RSRC1: variants seen among roughly 807,000 people sequenced by gnomAD.
RSRC1 encodes arginine and serine rich coiled-coil 1.
Under a neutral mutation model 49.1 loss-of-function variants are expected in RSRC1, and 39 were observed. The ratio of observed to expected loss-of-function variants is 0.79; its 90% CI spans 0.61 to 1.04. RSRC1 has a LOEUF of 1.04. Ranked by LOEUF, RSRC1 falls within the 50% of genes least tolerant of loss-of-function variation. The pLI, the probability that RSRC1 is intolerant of heterozygous loss-of-function variation, is 0.00. For synonymous variants in RSRC1, 143 were observed against 130.8 expected, an observed-to-expected ratio of 1.09 and a Z score of -0.63; for missense variants, 388 against 402.4, an observed-to-expected ratio of 0.96 and a Z score of 0.31.
intron 6 of RSRC1, among the ~76,000 whole-genome samples, chr3:158,431,302 T>A (rs150346926): frequency 7.8e-4 from 118 of 151,916 alleles, no homozygotes; most frequent in African/African-American, 2.8e-3. Flanking sequence ...ACCTCTGTAA[T>A]CTCCATCTTA....
intron 4 of RSRC1, among the ~76,000 whole-genome samples, chr3:158,230,048 C>T (rs1301773990): frequency 6.6e-6 from 1 of 151,984 alleles, no homozygotes; most frequent in Non-Finnish European, 1.5e-5. Context: ...TCATATACTG[C>T]AGTTAGTTGT....
rs148857455 is a variant in RSRC1 at position 158,122,321 on chromosome 3, A to G, written c.194+23A>G. On this transcript the variant is annotated intron_variant, in intron 2 of 9. Coordinates refer to ENST00000611884, the MANE Select transcript of RSRC1 (RefSeq NM_001271838.2). ...AAGGTGATTTTTGTAATTTTTATTT[A>G]TATAGTAATGAGGATAACATTCTTT... is the stretch of plus-strand genomic sequence containing the variant. 10,483 of 1,448,146 alleles carry G rather than the reference A, an allele frequency of 7.2e-3. 71 individuals are homozygous for G. Among genetic ancestry groups the G allele is most frequent in the Middle Eastern group, 0.027 (137 of 5,112 alleles). The allele number at this position is 1,448,146 out of a possible 1,614,324, so 89.7% of individuals were successfully genotyped here. A position where few individuals can be genotyped will look rare whatever the true frequency, so the allele number is the denominator to read the frequency against.
At chr3:158,243,148 C>G (rs1723690216) in intron 4 of RSRC1, among the ~76,000 whole-genome samples, 1 of 152,068 alleles carries the variant, frequency 6.6e-6, no homozygotes, top group Non-Finnish European at 1.5e-5. Context: ...AATGGTATCA[C>G]CTAGGTTTTC....
chr3:158,130,132 C>G (rs1715919957), intron 3 of RSRC1, among the ~76,000 whole-genome samples: 3 of 152,092 alleles, frequency 2.0e-5, no homozygotes, highest in Non-Finnish European at 4.4e-5. Flanking sequence ...AGATGGCTGT[C>G]TTCTTCTTGT....
chr3:158,419,341 A>G (rs1734915445), intron 6 of RSRC1, among the ~76,000 whole-genome samples: 1 of 151,862 alleles, frequency 6.6e-6, no homozygotes, highest in Admixed American at 6.6e-5. Flanking sequence ...TGATGCTCTA[A>G]CTCTCAGATA....
chr3:158,482,605 T>A (rs1004793482), intron 7 of RSRC1, among the ~76,000 whole-genome samples: 2 of 151,994 alleles, frequency 1.3e-5, no homozygotes, highest in Non-Finnish European at 2.9e-5. Context: ...GTAATCTCAC[T>A]GCTCTTTAGT....
intron 5 of RSRC1, among the ~76,000 whole-genome samples, chr3:158,321,445 A>T (rs193293062): frequency 3.0e-4 from 45 of 152,144 alleles, no homozygotes; most frequent in African/African-American, 1.1e-3. Context: ...TTTTATTGGA[A>T]TATTTTATTT....
chr3:158,397,990 A>G (rs1733700699), intron 6 of RSRC1, among the ~76,000 whole-genome samples: 1 of 152,034 alleles, frequency 6.6e-6, no homozygotes, highest in Non-Finnish European at 1.5e-5. Context: ...TGAGGTTGGG[A>G]TGGGATGCGT....
At position 158,217,721 on chromosome 3, in the gene RSRC1, T is replaced by C. The variant is rs189200576; in HGVS notation, c.494+14476T>C. Among the ~76,000 whole-genome samples the C allele has an allele frequency of 4.1e-5, 6 of 146,966 alleles. No individual in the cohort carries two copies. The East Asian group carries it at 1.1e-3, about 27-fold the overall frequency. On this transcript the variant is annotated intron_variant, in intron 4 of 9. Coordinates refer to ENST00000611884, the MANE Select transcript of RSRC1 (RefSeq NM_001271838.2). ...ATTCCATGGTGATGGATAATAGTTATAGTGCCTAACATTATGGAAATTATG... is the reference window on the plus strand; with the variant it reads ...ATTCCATGGTGATGGATAATAGTTACAGTGCCTAACATTATGGAAATTATG...
intron 4 of RSRC1, among the ~76,000 whole-genome samples, chr3:158,206,986 CAT>C (rs1332472984): frequency 2.6e-5 from 4 of 152,098 alleles, no homozygotes; most frequent in African/African-American, 9.7e-5. Flanking sequence ...AAGCATTTGA[CAT>C]ATATTATCTC....
chr3:158,206,023 A>G (rs1265456174), intron 4 of RSRC1, among the ~76,000 whole-genome samples: 16 of 152,196 alleles, frequency 1.1e-4, no homozygotes. Flanking sequence ...AGGTAATAGT[A>G]AACTAACAGG....
At chr3:158,463,139 C>A (rs1578511209) in intron 7 of RSRC1, among the ~76,000 whole-genome samples, 1 of 152,140 alleles carries the variant, frequency 6.6e-6, no homozygotes, top group South Asian at 2.1e-4. Context: ...GAAAGTATAA[C>A]CCAACTTTGT....
intron 6 of RSRC1, among the ~76,000 whole-genome samples, chr3:158,421,393 A>G (rs1401567107): frequency 6.6e-6 from 1 of 151,922 alleles, no homozygotes; most frequent in Non-Finnish European, 1.5e-5. Context: ...AATAGATTTG[A>G]TGGTGATGGT....
intron 6 of RSRC1, among the ~76,000 whole-genome samples, chr3:158,437,055 T>A (rs1189116048): frequency 6.6e-6 from 1 of 151,844 alleles, no homozygotes; most frequent in Non-Finnish European, 1.5e-5. Context: ...AATAGATAAT[T>A]CTATAGAAGA....
chr3:158,119,033 C>G (rs188252881), intron 1 of RSRC1, among the ~76,000 whole-genome samples: 123 of 152,242 alleles, frequency 8.1e-4, no homozygotes, highest in Non-Finnish European at 1.5e-3. Flanking sequence ...TTTACTGTGT[C>G]CTTGGACCTG....
chr3:158,198,046 T>C (rs1290918286), intron 3 of RSRC1, among the ~76,000 whole-genome samples: 2 of 152,144 alleles, frequency 1.3e-5, no homozygotes, highest in African/African-American at 4.8e-5. Context: ...TGGATATGCT[T>C]GTTAACTTTC....
At chr3:158,238,635 A>T (rs1401728716) in intron 4 of RSRC1, among the ~76,000 whole-genome samples, 1 of 152,248 alleles carries the variant, frequency 6.6e-6, no homozygotes, top group Non-Finnish European at 1.5e-5. Context: ...CCTGTTTAAT[A>T]AATGGTGCTT....
chr3:158,238,454 T>A (rs1454883599), intron 4 of RSRC1, among the ~76,000 whole-genome samples: 5 of 152,182 alleles, frequency 3.3e-5, no homozygotes, highest in African/African-American at 1.2e-4. Context: ...TCATGCTACC[T>A]GACTTCAAAC....
chr3:158,335,743 A>G (rs927884268), intron 5 of RSRC1, among the ~76,000 whole-genome samples: 12 of 152,344 alleles, frequency 7.9e-5, no homozygotes, highest in Middle Eastern at 3.4e-3. Context: ...CAACTACTCA[A>G]TTCTGCCACT....
Sources: gnomAD v4.1 joint callset for allele counts (sites outside exome capture counted in the v4.1 genomes callset) on GRCh38, gnomAD v4.1.1 for gene constraint, MANE v1.5 for transcripts, NCBI Gene and HGNC (gene_info 2026-07-23, HGNC 2026-07-21) for gene names.